The following GALNT13 variants were observed in gnomAD, a reference collection of about 807,000 sequenced individuals.
GALNT13 encodes the protein polypeptide N-acetylgalactosaminyltransferase 13.
A neutral mutation model predicts 64.2 loss-of-function variants in GALNT13; 28 were observed. The ratio of observed to expected loss-of-function variants is 0.44; its 90% CI spans 0.32 to 0.60. The LOEUF (loss-of-function observed/expected upper bound fraction) is 0.60, where lower values mean the gene tolerates loss of function less well. Among genes scored for constraint, GALNT13 ranks in the 20% least tolerant of loss-of-function variants. The probability of loss-of-function intolerance (pLI) is 0.05; values close to 1 mark genes in which losing one functional copy is unlikely to be tolerated. For synonymous variants in GALNT13, 214 were observed against 224.6 expected, an observed-to-expected ratio of 0.95 and a Z score of 0.42; for missense variants, 577 against 669.8, an observed-to-expected ratio of 0.86 and a Z score of 1.53.
At chr2:153,692,846 T>G in the GALNT13 span, among the ~76,000 whole-genome samples, 1 of 152,184 alleles carries the variant, frequency 6.6e-6, no homozygotes, top group Non-Finnish European at 1.5e-5. Flanking sequence ...ATAAGACTCA[T>G]GTACCAGAGA....
intron 3 of GALNT13, among the ~76,000 whole-genome samples, chr2:153,958,386 G>A (rs762068158): frequency 2.0e-5 from 3 of 152,202 alleles, no homozygotes; most frequent in Middle Eastern, 3.4e-3. Context: ...ACCTCTTCCC[G>A]TTTTCTTTCA....
At chr2:153,624,350 C>T in the GALNT13 span, among the ~76,000 whole-genome samples, 9 of 152,114 alleles carry the variant, frequency 5.9e-5, no homozygotes, top group African/African-American at 1.4e-4. Flanking sequence ...TACCTCTCCA[C>T]GCATTGTCCT....
chr2:153,623,128 GT>G, the GALNT13 span, among the ~76,000 whole-genome samples: 1 of 152,086 alleles, frequency 6.6e-6, no homozygotes, highest in African/African-American at 2.4e-5. Context: ...GACAGAGGCT[GT>G]TTTTCCTGCT....
chr2:154,181,174 ATTG>A (rs926501272), intron 4 of GALNT13, among the ~76,000 whole-genome samples: 2 of 152,144 alleles, frequency 1.3e-5, no homozygotes, highest in African/African-American at 4.8e-5. Flanking sequence ...TCAATACTTT[ATTG>A]TTGTATATTT....
At chr2:153,069,140 C>A in the GALNT13 span, among the ~76,000 whole-genome samples, 1 of 152,162 alleles carries the variant, frequency 6.6e-6, no homozygotes, top group Admixed American at 6.5e-5. Context: ...TGACCTTCAG[C>A]GTCCAGGAGA....
the GALNT13 span, among the ~76,000 whole-genome samples, chr2:153,792,127 C>T: frequency 6.6e-6 from 1 of 152,224 alleles, no homozygotes; most frequent in East Asian, 1.9e-4. Flanking sequence ...TTGGTAACCA[C>T]CATAAACTTT....
At chr2:153,966,219 C>CTTTTTTTTTTTTTTTTTTTTTT (rs761961683) in intron 3 of GALNT13, among the ~76,000 whole-genome samples, 3 of 120,116 alleles carry the variant, frequency 2.5e-5, no homozygotes, top group Non-Finnish European at 3.4e-5. Context: ...GGTTGGATTT[C>CTTTTTTTTTTTTTTTTTTTTTT]TTTTTTTTTT....
chr2:153,537,751 C>T, the GALNT13 span, among the ~76,000 whole-genome samples: 77 of 152,230 alleles, frequency 5.1e-4, 1 homozygote, highest in East Asian at 0.012. Context: ...AGGCGATTTT[C>T]CCCCTTCACT....
At chr2:153,554,217 C>T in the GALNT13 span, among the ~76,000 whole-genome samples, 2 of 151,080 alleles carry the variant, frequency 1.3e-5, no homozygotes, top group African/African-American at 4.9e-5. Context: ...GTCCCAGCTA[C>T]TGGGGAGGCT....
At chr2:154,221,264 G>T (rs1688308683) in intron 4 of GALNT13, among the ~76,000 whole-genome samples, 1 of 151,694 alleles carries the variant, frequency 6.6e-6, no homozygotes, top group Admixed American at 6.6e-5. Flanking sequence ...ATTATTAATA[G>T]AAATAGTAAT....
downstream of GALNT13, chr2:154,454,767 A>G (rs1702008952): frequency 6.6e-6 from 1 of 152,236 alleles, no homozygotes; most frequent in Admixed American, 6.6e-5. Context: ...CAGCAGAAAT[A>G]AACTAGAAAC....
chr2:153,600,278 A>G, the GALNT13 span, among the ~76,000 whole-genome samples: 1 of 151,758 alleles, frequency 6.6e-6, no homozygotes, highest in Non-Finnish European at 1.5e-5. Context: ...CAAAAATGGT[A>G]TTTTATTTTT....
the GALNT13 span, among the ~76,000 whole-genome samples, chr2:153,254,517 A>T: frequency 6.6e-6 from 1 of 151,856 alleles, no homozygotes; most frequent in African/African-American, 2.4e-5. Context: ...CTAGCTTTTG[A>T]ATATGTTTGC....
chr2:153,897,527 A>G (rs143375591), intron 1 of GALNT13, among the ~76,000 whole-genome samples: 1 of 152,228 alleles, frequency 6.6e-6, no homozygotes, highest in African/African-American at 2.4e-5. Context: ...GTCTCTGCCA[A>G]GTTTCTCCAC....
chr2:154,377,381 G>A (rs1185028795), intron 9 of GALNT13, among the ~76,000 whole-genome samples: 2 of 151,970 alleles, frequency 1.3e-5, no homozygotes, highest in Non-Finnish European at 2.9e-5. Flanking sequence ...AAATTTCTTG[G>A]CATTTACAGA....
the GALNT13 span, among the ~76,000 whole-genome samples, chr2:153,720,745 A>G: frequency 6.7e-6 from 1 of 149,756 alleles, no homozygotes; most frequent in Non-Finnish European, 1.5e-5. Flanking sequence ...ATGAAGCGAG[A>G]AGGGAAGTTT....
At chr2:153,786,777 C>T in the GALNT13 span, among the ~76,000 whole-genome samples, 4 of 152,110 alleles carry the variant, frequency 2.6e-5, no homozygotes, top group Non-Finnish European at 5.9e-5. Context: ...ACTGCCACTG[C>T]AGTGGTACTA....
At chr2:153,525,491 T>C in the GALNT13 span, among the ~76,000 whole-genome samples, 1 of 152,058 alleles carries the variant, frequency 6.6e-6, no homozygotes, top group African/African-American at 2.4e-5. Context: ...CAACAGGAGG[T>C]GAGCAGCTGG....
At position 154,269,906 on chromosome 2, in the gene GALNT13, GTATATATA is replaced by G. The variant is rs67387315; in HGVS notation, c.975+10780_975+10787del. Reference sequence around the variant, plus strand: ...GTCATATATATATTTATATATATGTGTATATATATATATATATATTTCTAAAGCACAGG... The same window carrying G: ...GTCATATATATATTTATATATATGTGTATATATATATTTCTAAAGCACAGG... On this transcript the variant is annotated intron_variant, in intron 8 of 12. Coordinates refer to ENST00000392825, the MANE Select transcript of GALNT13 (RefSeq NM_052917.4). Among the ~76,000 whole-genome samples the G allele has an allele frequency of 5.2e-5, 5 of 96,884 alleles. 1 individual carries two copies. Among genetic ancestry groups the G allele is most frequent in the Admixed American group, 1.3e-4 (1 of 7,874 alleles). 63.6% of individuals were successfully genotyped at this position (96,884 alleles called of 152,430 possible).
Sources: allele counts gnomAD v4.1 joint callset (sites outside exome capture counted in the v4.1 genomes callset), GRCh38; gene constraint gnomAD v4.1.1; transcripts MANE v1.5; gene names NCBI Gene and HGNC (gene_info 2026-07-23, HGNC 2026-07-21).